Variants in RGS7 observed in about 807,000 individuals in gnomAD.
RGS7 encodes the protein regulator of G protein signaling 7.
In RGS7, 27 loss-of-function variants were observed where a neutral mutation model predicts 81.1. That is an observed-to-expected ratio of 0.33 (90% CI 0.25 to 0.46). The LOEUF is 0.46. Ranked by LOEUF, RGS7 falls within the 20% of genes least tolerant of loss-of-function variation. RGS7 has a pLI of 1.00. For synonymous variants in RGS7, 208 were observed against 207.7 expected (o/e 1.00, Z -0.01); for missense variants, 396 against 607.4 (o/e 0.65, Z 3.66).
chr1:240,810,609 G>GTTAATT (rs1275274880), intron 14 of RGS7, among the ~76,000 whole-genome samples: 3 of 151,936 alleles, frequency 2.0e-5, no homozygotes, highest in African/African-American at 7.3e-5. Context: ...ACCATGCCCG[G>GTTAATT]TTAATTTTAA....
intron 3 of RGS7, among the ~76,000 whole-genome samples, chr1:241,054,302 T>G (rs1270649281): frequency 6.6e-6 from 1 of 152,162 alleles, no homozygotes; most frequent in East Asian, 1.9e-4. Context: ...AGAGATGGCT[T>G]TGTCCAAAAT....
Position 241,069,915 on chromosome 1 carries a change from C to T in RGS7, c.175+28751G>A, listed in dbSNP as rs566998383. Among the ~76,000 whole-genome samples the T allele has an allele frequency of 5.3e-5, 8 of 152,276 alleles. No individual in the cohort carries two copies. The South Asian group carries it at 1.7e-3, about 32-fold the overall frequency. On this transcript the variant is annotated intron_variant, in intron 3 of 18. Coordinates refer to ENST00000440928, the MANE Select transcript of RGS7 (RefSeq NM_001364886.1). ...GGGTACCTTATTTGATCATTTAATACTTGCAACAATGTTGTGAGAAAGGTA... is the reference window on the plus strand; with the variant it reads ...GGGTACCTTATTTGATCATTTAATATTTGCAACAATGTTGTGAGAAAGGTA...
intron 2 of RGS7, among the ~76,000 whole-genome samples, chr1:241,340,069 G>A (rs1415662094): frequency 6.6e-6 from 1 of 152,124 alleles, no homozygotes; most frequent in East Asian, 1.9e-4. Context: ...AGTTAATGAG[G>A]AGAGTTAGAA....
Position 240,955,551 on chromosome 1 carries a change from C to CAAAAAAAAAAAA in RGS7, c.227-18857_227-18846dup, listed in dbSNP as rs369155474. Among the ~76,000 whole-genome samples, 19 of 140,302 alleles carry CAAAAAAAAAAAA rather than the reference C, an allele frequency of 1.4e-4. 1 individual carries two copies. The highest frequency in any genetic ancestry group is 2.7e-4 in the African/African-American group (10 of 36,832). 92.0% of individuals were successfully genotyped at this position (140,302 alleles called of 152,430 possible). On this transcript the variant is annotated intron_variant, in intron 4 of 18. Coordinates refer to ENST00000440928, the MANE Select transcript of RGS7 (RefSeq NM_001364886.1). ...TGGGCGGCAGAGCAAGACTCTGTCT[C>CAAAAAAAAAAAA]AAAAAAAAAAAAAAAAAAAAAAAAA...
chr1:240,976,701 T>C (rs1684111438), intron 4 of RGS7, among the ~76,000 whole-genome samples: 2 of 152,024 alleles, frequency 1.3e-5, no homozygotes, highest in African/African-American at 4.8e-5. Flanking sequence ...GTTCTCAAAA[T>C]TGTGTGAGCA....
chr1:240,875,626 C>T (rs958740144), intron 6 of RGS7, among the ~76,000 whole-genome samples: 1 of 152,140 alleles, frequency 6.6e-6, no homozygotes, highest in Non-Finnish European at 1.5e-5. Flanking sequence ...CCATAATGGC[C>T]GTACTAATTT....
intron 3 of RGS7, among the ~76,000 whole-genome samples, chr1:241,044,111 T>C (rs1027842123): frequency 1.1e-4 from 14 of 126,046 alleles, no homozygotes; most frequent in African/African-American, 4.7e-4. Flanking sequence ...TTGTTTTTTT[T>C]GTTTTTTTTT....
chr1:241,172,864 C>T (rs931684595), intron 2 of RGS7, among the ~76,000 whole-genome samples: 8 of 152,146 alleles, frequency 5.3e-5, no homozygotes, highest in African/African-American at 1.9e-4. Context: ...GTTTGAAATA[C>T]TCTCTTAAGG....
intron 2 of RGS7, among the ~76,000 whole-genome samples, chr1:241,326,801 T>C (rs888231047): frequency 1.3e-5 from 2 of 149,964 alleles, no homozygotes; most frequent in Non-Finnish European, 3.0e-5. Context: ...TCCCAACTAC[T>C]CAGGAGCCTG....
intron 3 of RGS7, among the ~76,000 whole-genome samples, chr1:240,987,977 TAGA>T (rs1419267170): frequency 2.0e-5 from 3 of 152,208 alleles, no homozygotes; most frequent in Non-Finnish European, 4.4e-5. Flanking sequence ...TGCGTTTCTG[TAGA>T]AGTTTGGCTG....
intron 2 of RGS7, among the ~76,000 whole-genome samples, chr1:241,239,596 T>C (rs2076170231): frequency 6.6e-6 from 1 of 152,176 alleles, no homozygotes; most frequent in Non-Finnish European, 1.5e-5. Context: ...AAGCACGCCA[T>C]GGTCTTGTGT....
intron 6 of RGS7, chr1:240,920,267 TG>T: frequency 7.8e-7 from 1 of 1,286,386 alleles, no homozygotes; most frequent in Non-Finnish European, 1.1e-6. Flanking sequence ...GTGGTGATCG[TG>T]GTGGTGGTTT....
chr1:241,289,095 T>C (rs1326698263), intron 2 of RGS7, among the ~76,000 whole-genome samples: 1 of 152,208 alleles, frequency 6.6e-6, no homozygotes, highest in Non-Finnish European at 1.5e-5. Context: ...ATACTAACCT[T>C]TGCCTCCAGT....
chr1:240,783,652 A>C (rs1221287914), intron 18 of RGS7, among the ~76,000 whole-genome samples: 2 of 151,796 alleles, frequency 1.3e-5, no homozygotes, highest in African/African-American at 2.4e-5. Context: ...AAATAAAAAA[A>C]AATCGTTCTT....
intron 18 of RGS7, among the ~76,000 whole-genome samples, chr1:240,788,303 C>T (rs1685404863): frequency 1.3e-5 from 2 of 152,108 alleles, no homozygotes; most frequent in African/African-American, 4.8e-5. Flanking sequence ...TGGAACAAAA[C>T]AAACAAAAAT....
At chr1:240,782,537 C>T (rs548032181) in intron 18 of RGS7, among the ~76,000 whole-genome samples, 30 of 152,266 alleles carry the variant, frequency 2.0e-4, no homozygotes, top group African/African-American at 6.7e-4. Context: ...ATCCTCCTGC[C>T]TCAGCCTCCC....
At chr1:240,976,484 G>C (rs1411461805) in intron 4 of RGS7, among the ~76,000 whole-genome samples, 1 of 152,158 alleles carries the variant, frequency 6.6e-6, no homozygotes, top group Non-Finnish European at 1.5e-5. Flanking sequence ...TTTTGGATGA[G>C]ATTAATATTT....
At chr1:240,788,327 A>T (rs1329995771) in intron 18 of RGS7, among the ~76,000 whole-genome samples, 3 of 152,226 alleles carry the variant, frequency 2.0e-5, no homozygotes, top group Non-Finnish European at 4.4e-5. Context: ...CTCTTATACT[A>T]TACAGTTCAA....
At chr1:241,123,638 C>A (rs2103006813) in intron 2 of RGS7, among the ~76,000 whole-genome samples, 1 of 152,302 alleles carries the variant, frequency 6.6e-6, no homozygotes, top group South Asian at 2.1e-4. Flanking sequence ...GTAATCACAG[C>A]TACTCGGGAG....
Sources: allele counts gnomAD v4.1 joint callset (sites outside exome capture counted in the v4.1 genomes callset), GRCh38; gene constraint gnomAD v4.1.1; transcripts MANE v1.5; gene names NCBI Gene and HGNC (gene_info 2026-07-23, HGNC 2026-07-21).